The following WNK2 variants were observed in gnomAD, a reference collection of about 807,000 sequenced individuals.
WNK2 encodes WNK lysine deficient protein kinase 2.
In WNK2, 67 loss-of-function variants were observed where a neutral mutation model predicts 192.1. That is an observed-to-expected ratio of 0.35 (90% CI 0.29 to 0.43). The LOEUF is 0.43. Among genes scored for constraint, WNK2 ranks in the 20% least tolerant of loss-of-function variants. WNK2 has a pLI of 1.00. For missense variants in WNK2, 2,698 were observed against 3,089.7 expected (o/e 0.87, Z 3.01); for synonymous variants, 1,439 against 1,393.9 (o/e 1.03, Z -0.72).
intron 28 of WNK2, among the ~76,000 whole-genome samples, chr9:93,311,609 T>TGTTTGTGTGTGTGTG (rs1554755193): frequency 1.5e-3 from 46 of 30,744 alleles, no homozygotes; most frequent in African/African-American, 3.1e-3. Context: ...CTGGGTTTTT[T>TGTTTGTGTGTGTGTG]TGTTTGTGTG....
intron 13 of WNK2, 138 bp downstream of exon 13, chr9:93,262,245 T>C: frequency 9.5e-7 from 1 of 1,051,710 alleles, no homozygotes; most frequent in South Asian, 1.8e-5. Context: ...TGTTCTCACC[T>C]CTCCCTAGAT....
Position 93,263,968 on chromosome 9 carries a change from C to G in WNK2, c.3631C>G (p.His1211Asp). The G allele has an allele frequency of 1.2e-6, 2 of 1,613,536 alleles. No homozygotes were observed. Among genetic ancestry groups the G allele is most frequent in the South Asian group, 2.2e-5 (2 of 91,042 alleles). ...MVECQLETHN[H>D]KMVTFKFDLD... ...GGAGTGCCAGCTGGAGACGCACAAC[C>G]ACAAGATGGTGACCTTCAAGTTCGA... Residue 1211 changes from histidine (H) to aspartate (D), a missense_variant, in exon 16 of 30, where the codon CAC becomes GAC. Coordinates refer to ENST00000427277, the MANE Select transcript of WNK2 (RefSeq NM_006648.4).
chr9:93,239,619 T>G lies in WNK2; in HGVS notation c.1323-138T>G, dbSNP rs557698559. 1.7e-4 allele frequency: 113 copies of G among 661,536 alleles called. No individual in the cohort carries two copies. The Middle Eastern group carries it at 1.7e-3, about 10-fold the overall frequency. The allele number at this position is 661,536 out of a possible 1,614,324, so 41.0% of individuals were successfully genotyped here. ...TTCACTGAAATCTTTTCTTTACCCC[T>G]GGGAGTGCTGAGACATGAGGCCTGG... On this transcript the variant is annotated intron_variant, in intron 6 of 29. Transcript: ENST00000427277. This position sits in a 1 kb window ranked among gnomAD's most constrained non-coding sequence, Gnocchi z 4.2.
chr9:93,209,814 CA>C (rs1176699608), intron 2 of WNK2, among the ~76,000 whole-genome samples: 1 of 152,188 alleles, frequency 6.6e-6, no homozygotes, highest in African/African-American at 2.4e-5. Flanking sequence ...CCCAGGATCC[CA>C]GGGGAGATTC....
intron 2 of WNK2, among the ~76,000 whole-genome samples, chr9:93,225,946 GTTGTA>G (rs941625187): frequency 3.8e-5 from 5 of 132,560 alleles, no homozygotes; most frequent in East Asian, 4.4e-4. Flanking sequence ...GTTGTGTTGT[GTTGTA>G]TTGTGTGTTG....
rs757614564 is a variant in WNK2 at position 93,302,746 on chromosome 9, A to C, written c.6214+2597A>C. On this transcript the variant is annotated intron_variant, in intron 26 of 29. Coordinates refer to ENST00000427277, the MANE Select transcript of WNK2 (RefSeq NM_006648.4). Reference sequence around the variant, plus strand: ...TGACTCAAGGTGCAGGACAGGGAATAAAGCAGTGGAGGCTGGGAGCAGCAG... The same window carrying C: ...TGACTCAAGGTGCAGGACAGGGAATCAAGCAGTGGAGGCTGGGAGCAGCAG... Among the ~76,000 whole-genome samples, 3 of 152,084 alleles carry C rather than the reference A, an allele frequency of 2.0e-5. 1 individual carries two copies. Among genetic ancestry groups the C allele is most frequent in the Non-Finnish European group, 1.5e-5 (1 of 67,986 alleles).
At chr9:93,318,291 T>C (rs1855090402) in intron 29 of WNK2, 3 of 1,518,018 alleles carry the variant, frequency 2.0e-6, no homozygotes, top group African/African-American at 2.8e-5. Flanking sequence ...TGGTTTTCTG[T>C]TGTAAATGCC....
At chr9:93,214,699 C>T (rs1219688877) in intron 2 of WNK2, among the ~76,000 whole-genome samples, 11 of 18,274 alleles carry the variant, frequency 6.0e-4, no homozygotes, top group Admixed American at 1.1e-3. Flanking sequence ...AAGGTAGTGC[C>T]CCCCCCCCCC....
intron 2 of WNK2, among the ~76,000 whole-genome samples, chr9:93,227,196 C>A (rs973229948): frequency 3.3e-5 from 5 of 151,788 alleles, no homozygotes; most frequent in African/African-American, 1.2e-4. Flanking sequence ...TCACTGCAAG[C>A]TGCACCTCCT....
Position 93,247,484 on chromosome 9 carries a change from G to C in WNK2, c.1543-59G>C, listed in dbSNP as rs1371941565. 2 of 1,555,166 alleles carry C rather than the reference G, an allele frequency of 1.3e-6. No homozygotes were observed. The highest frequency in any genetic ancestry group is 1.7e-6 in the Non-Finnish European group (2 of 1,144,896). On this transcript the variant is annotated intron_variant, in intron 7 of 29. Transcript: ENST00000427277. This position sits in a 1 kb window ranked among gnomAD's most constrained non-coding sequence, Gnocchi z 5.2. ...GTGATGGGAAAGCACTTTAGGTAAG[G>C]GGTGTGGGCCGGTGAGGGCTGATCC...
chr9:93,275,953 G>T (rs947037492), intron 19 of WNK2, among the ~76,000 whole-genome samples: 1 of 152,130 alleles, frequency 6.6e-6, no homozygotes, highest in East Asian at 1.9e-4. Flanking sequence ...TGAATCAAAG[G>T]TTACCTAACT....
chr9:93,221,900 C>T (rs983366401), intron 2 of WNK2, among the ~76,000 whole-genome samples: 4 of 152,114 alleles, frequency 2.6e-5, no homozygotes, highest in Non-Finnish European at 5.9e-5. Flanking sequence ...ATCAGATTGC[C>T]GACATTTGGG....
At chr9:93,191,471 T>C (rs1457449749) in intron 2 of WNK2, among the ~76,000 whole-genome samples, 12 of 151,860 alleles carry the variant, frequency 7.9e-5, no homozygotes, top group South Asian at 4.2e-4. Flanking sequence ...TGGAAATGTA[T>C]TGGGCAGGTT....
intron 19 of WNK2, among the ~76,000 whole-genome samples, chr9:93,277,188 C>T (rs1847059383): frequency 6.6e-6 from 1 of 152,202 alleles, no homozygotes; most frequent in African/African-American, 2.4e-5. Context: ...GGCATCACTG[C>T]ACACCTGTTA....
intron 7 of WNK2, among the ~76,000 whole-genome samples, chr9:93,241,489 C>G (rs1261181913): frequency 6.6e-6 from 1 of 152,180 alleles, no homozygotes; most frequent in Non-Finnish European, 1.5e-5. Flanking sequence ...TTGAAAATGT[C>G]CATCAGTCAC....
chr9:93,235,178 G>C (rs1158235355), intron 5 of WNK2, among the ~76,000 whole-genome samples: 2 of 152,230 alleles, frequency 1.3e-5, no homozygotes, highest in African/African-American at 4.8e-5. Flanking sequence ...TCTCCTACCT[G>C]AAGGGATGGT....
At chr9:93,195,520 G>A (rs1173324339) in intron 2 of WNK2, among the ~76,000 whole-genome samples, 1 of 151,930 alleles carries the variant, frequency 6.6e-6, no homozygotes, top group Non-Finnish European at 1.5e-5. Context: ...CCAACATGGT[G>A]AAAACCTGTC....
intron 2 of WNK2, among the ~76,000 whole-genome samples, chr9:93,194,947 A>C (rs1830970791): frequency 6.6e-6 from 1 of 152,182 alleles, no homozygotes; most frequent in Admixed American, 6.5e-5. Context: ...GAAATAAGCC[A>C]ATCTGAGAAG....
At chr9:93,265,814 C>T (rs542363765) in intron 16 of WNK2, among the ~76,000 whole-genome samples, 35 of 152,340 alleles carry the variant, frequency 2.3e-4, no homozygotes, top group South Asian at 1.2e-3. Context: ...TGTCCACTGG[C>T]CCCCTGGTTT....
Sources: allele counts gnomAD v4.1 joint callset (sites outside exome capture counted in the v4.1 genomes callset), GRCh38; gene constraint gnomAD v4.1.1; non-coding constraint Gnocchi (gnomAD v3.1); transcripts MANE v1.5; gene names NCBI Gene and HGNC (gene_info 2026-07-23, HGNC 2026-07-21).